FOXJ3: variants seen among roughly 807,000 people sequenced by gnomAD.
FOXJ3 encodes forkhead box protein J3.
A neutral mutation model predicts 76.1 loss-of-function variants in FOXJ3; 22 were observed. The observed-to-expected ratio is 0.29, with a 90% confidence interval of 0.21 to 0.41. The LOEUF is 0.41. FOXJ3 is among the 10% of genes least tolerant of loss of function. The pLI, the probability that FOXJ3 is intolerant of heterozygous loss-of-function variation, is 1.00. For missense variants in FOXJ3, 613 were observed against 762.1 expected (o/e 0.80, Z 2.30); for synonymous variants, 269 against 261.2 (o/e 1.03, Z -0.29).
chr1:42,262,088 C>T (rs912559892), intron 4 of FOXJ3, among the ~76,000 whole-genome samples: 1 of 152,164 alleles, frequency 6.6e-6, no homozygotes, highest in Non-Finnish European at 1.5e-5. Flanking sequence ...TGTTACTCAG[C>T]TGGTGGAATA....
At chr1:42,242,150 G>C (rs1028056473) in intron 4 of FOXJ3, among the ~76,000 whole-genome samples, 1 of 151,588 alleles carries the variant, frequency 6.6e-6, no homozygotes, top group Non-Finnish European at 1.5e-5. Context: ...TCTAAAAATG[G>C]AAGAAGTAAC....
chr1:42,234,028 C>T (rs934748525), intron 4 of FOXJ3, among the ~76,000 whole-genome samples: 5 of 152,172 alleles, frequency 3.3e-5, no homozygotes, highest in African/African-American at 1.2e-4. Flanking sequence ...TTGTCACAGG[C>T]CTTTTCTGCA....
intron 6 of FOXJ3, among the ~76,000 whole-genome samples, chr1:42,203,365 T>C (rs1307521529): frequency 1.3e-5 from 2 of 152,212 alleles, no homozygotes; most frequent in African/African-American, 2.4e-5. Flanking sequence ...CCTATACTTA[T>C]GGAAAATTAC....
intron 4 of FOXJ3, among the ~76,000 whole-genome samples, chr1:42,249,919 T>C (rs1356960283): frequency 6.6e-6 from 1 of 152,248 alleles, no homozygotes; most frequent in Non-Finnish European, 1.5e-5. Context: ...CGAGTTATTA[T>C]ACTGAAATGT....
chr1:42,301,794 A>G lies in FOXJ3; in HGVS notation c.44+9256T>C, dbSNP rs114126662. ...TTAAAACCAACATTCTGAATTCTTT[A>G]TCTTGTATTTCAAAGATTTTAATTT... On this transcript the variant is annotated intron_variant, in intron 2 of 12. Coordinates refer to ENST00000361346, the MANE Select transcript of FOXJ3 (RefSeq NM_014947.5). 5.4e-3 allele frequency among the ~76,000 whole-genome samples: 829 copies of G among 152,174 alleles called. 14 individuals carry two copies. Among genetic ancestry groups the G allele is most frequent in the African/African-American group, 0.019 (803 of 41,528 alleles).
intron 4 of FOXJ3, among the ~76,000 whole-genome samples, chr1:42,252,774 A>G (rs1280378768): frequency 6.6e-6 from 1 of 152,074 alleles, no homozygotes; most frequent in Non-Finnish European, 1.5e-5. Context: ...AGTGCTATAA[A>G]TTTCCCTCTA....
chr1:42,198,296 C>A (rs1646692553), intron 7 of FOXJ3, among the ~76,000 whole-genome samples: 1 of 152,072 alleles, frequency 6.6e-6, no homozygotes, highest in Non-Finnish European at 1.5e-5. Flanking sequence ...AACTTTTTCC[C>A]TACATTCAAT....
chr1:42,289,917 T>TA (rs906049159), intron 2 of FOXJ3, among the ~76,000 whole-genome samples: 22 of 152,106 alleles, frequency 1.4e-4, no homozygotes, highest in African/African-American at 5.3e-4. Context: ...AATTTTTATT[T>TA]AAAAAAGGAC....
intron 1 of FOXJ3, among the ~76,000 whole-genome samples, chr1:42,330,302 G>C (rs1656079799): frequency 6.6e-6 from 1 of 151,892 alleles, no homozygotes; most frequent in Admixed American, 6.6e-5. Flanking sequence ...GAACAAACAA[G>C]TGGCAGAATC....
In FOXJ3 at chr1:42,268,644, T is replaced by C. The variant is rs185831042; in HGVS notation, c.370-3455A>G. ...GTAAAAGTAAAATGTATGACAACAA[T>C]AGCAAAAAGGATGGGTCAAAGGAAC... On this transcript the variant is annotated intron_variant, in intron 3 of 12. Transcript: ENST00000361346. Among the ~76,000 whole-genome samples, 897 of 152,172 alleles carry C rather than the reference T, an allele frequency of 5.9e-3. 4 individuals carry two copies. Among genetic ancestry groups the C allele is most frequent in the Non-Finnish European group, 0.01 (684 of 67,952 alleles).
intron 6 of FOXJ3, among the ~76,000 whole-genome samples, 197 bp downstream of exon 6, chr1:42,205,565 C>G (rs1469752876): frequency 1.3e-5 from 2 of 152,182 alleles, no homozygotes; most frequent in African/African-American, 2.4e-5. Flanking sequence ...ACCTTCCAAT[C>G]TCTCCTGAGA....
At chr1:42,277,448 G>A (rs1334233060) in intron 3 of FOXJ3, among the ~76,000 whole-genome samples, 2 of 151,472 alleles carry the variant, frequency 1.3e-5, no homozygotes, top group East Asian at 3.9e-4. Context: ...GGATCACAAG[G>A]TCAGGAGATC....
chr1:42,247,074 C>T (rs1482312433), intron 4 of FOXJ3, among the ~76,000 whole-genome samples: 2 of 152,112 alleles, frequency 1.3e-5, no homozygotes, highest in Admixed American at 1.3e-4. Flanking sequence ...TATAAACACA[C>T]AGATAGAAGA....
chr1:42,272,568 G>A (rs1244735865), intron 3 of FOXJ3, among the ~76,000 whole-genome samples: 1 of 152,162 alleles, frequency 6.6e-6, no homozygotes, highest in Admixed American at 6.5e-5. Context: ...ATCTCTCTCA[G>A]GATCTTCTAG....
At chr1:42,289,433 C>A (rs931955043) in intron 2 of FOXJ3, among the ~76,000 whole-genome samples, 1 of 152,046 alleles carries the variant, frequency 6.6e-6, no homozygotes, top group African/African-American at 2.4e-5. Flanking sequence ...GAATGCTTGG[C>A]ACATAGTAAG....
At chr1:42,202,834 T>A (rs1262862488) in intron 6 of FOXJ3, among the ~76,000 whole-genome samples, 4 of 152,152 alleles carry the variant, frequency 2.6e-5, no homozygotes, top group Non-Finnish European at 5.9e-5. Flanking sequence ...CCACACCCAG[T>A]CCAAATATTG....
intron 6 of FOXJ3, among the ~76,000 whole-genome samples, chr1:42,199,547 A>G (rs1646717760): frequency 6.6e-6 from 1 of 152,164 alleles, no homozygotes; most frequent in African/African-American, 2.4e-5. Flanking sequence ...AAATATTTCT[A>G]TAATGCATAA....
intron 4 of FOXJ3, among the ~76,000 whole-genome samples, chr1:42,241,047 G>C (rs1182463672): frequency 6.6e-6 from 1 of 152,188 alleles, no homozygotes; most frequent in African/African-American, 2.4e-5. Context: ...AAGGAGGCGA[G>C]GGAAGCAGGC....
chr1:42,285,525 T>C (rs1017234317), intron 2 of FOXJ3, among the ~76,000 whole-genome samples: 6 of 151,794 alleles, frequency 4.0e-5, no homozygotes, highest in African/African-American at 1.2e-4. Context: ...GGTGAAAGAG[T>C]CTAAACTGCA....
Sources: allele counts gnomAD v4.1 joint callset (sites outside exome capture counted in the v4.1 genomes callset), GRCh38; gene constraint gnomAD v4.1.1; transcripts MANE v1.5; gene names NCBI Gene and HGNC (gene_info 2026-07-23, HGNC 2026-07-21).